CPAP: variants seen among roughly 807,000 people sequenced by gnomAD.
CPAP encodes centrosomal P4.1-associated protein.
chr13:24,892,742 C>T, the CPAP span: 2 of 1,614,098 alleles, frequency 1.2e-6, no homozygotes, highest in South Asian at 1.1e-5. Flanking sequence ...TTATTTCTTC[C>T]CGGAGGTCTG....
chr13:24,896,435 A>G, the CPAP span, among the ~76,000 whole-genome samples: 2 of 152,236 alleles, frequency 1.3e-5, no homozygotes, highest in Middle Eastern at 3.2e-3. Context: ...GCTACTACTA[A>G]GTCCTGGAAA....
chr13:24,911,700 C>A, the CPAP span, among the ~76,000 whole-genome samples: 1 of 144,318 alleles, frequency 6.9e-6, no homozygotes, highest in Non-Finnish European at 1.5e-5. Context: ...CCACACCCAG[C>A]TCATTTTTTT....
At chr13:24,884,116 TGAAG>T in the CPAP span, 12 of 1,597,038 alleles carry the variant, frequency 7.5e-6, no homozygotes, top group South Asian at 1.1e-5. Context: ...AAATATTTTT[TGAAG>T]GAAGGGAAGA....
At chr13:24,886,285 G>A in the CPAP span, 10 of 1,287,662 alleles carry the variant, frequency 7.8e-6, no homozygotes, top group Non-Finnish European at 1.0e-5. Context: ...GTTAAAAAGT[G>A]TAACAGAGCT....
At chr13:24,932,235 G>A in the CPAP span, among the ~76,000 whole-genome samples, 1 of 152,356 alleles carries the variant, frequency 6.6e-6, no homozygotes, top group African/African-American at 2.4e-5. Flanking sequence ...CTTTGAGGGA[G>A]GCTGTTAGAC....
the CPAP span, chr13:24,905,252 TAAGGA>T: frequency 2.5e-6 from 3 of 1,201,038 alleles, no homozygotes; most frequent in South Asian, 2.6e-5. Context: ...TATTGAGCAA[TAAGGA>T]AAGTTAGGAT....
chr13:24,906,053 G>A, the CPAP span: 2 of 1,613,938 alleles, frequency 1.2e-6, no homozygotes, highest in South Asian at 1.1e-5. Flanking sequence ...ATCAGCTGAG[G>A]ACAATGAATG....
chr13:24,928,766 G>T, the CPAP span, among the ~76,000 whole-genome samples: 2 of 152,170 alleles, frequency 1.3e-5, no homozygotes, highest in Non-Finnish European at 2.9e-5. Flanking sequence ...TGGGTGCAAA[G>T]AGACTTTTTT....
At chr13:24,909,941 G>A in the CPAP span, 1 of 1,614,122 alleles carries the variant, frequency 6.2e-7, no homozygotes, top group Non-Finnish European at 8.5e-7. Context: ...TTTGCTCATG[G>A]GATAAAATGT....
the CPAP span, among the ~76,000 whole-genome samples, chr13:24,889,944 T>C: frequency 6.6e-6 from 1 of 152,088 alleles, no homozygotes; most frequent in Non-Finnish European, 1.5e-5. Context: ...GCCATCCTTC[T>C]TGGTGTCCTA....
At chr13:24,903,960 G>A in the CPAP span, 52 of 1,613,940 alleles carry the variant, frequency 3.2e-5, no homozygotes, top group Non-Finnish European at 3.8e-5. Flanking sequence ...CGTTCAATGC[G>A]AAGTTTAGCT....
chr13:24,904,619 T>C, the CPAP span, among the ~76,000 whole-genome samples: 1 of 152,242 alleles, frequency 6.6e-6, no homozygotes, highest in East Asian at 1.9e-4. Flanking sequence ...ATAGAAAAAA[T>C]GACTGGAATG....
the CPAP span, chr13:24,882,884 A>G: frequency 8.0e-6 from 3 of 376,744 alleles, no homozygotes; most frequent in South Asian, 2.6e-5. Flanking sequence ...GTTTTTTTTT[A>G]TAGCCATTTC....
chr13:24,914,862 T>C, the CPAP span, among the ~76,000 whole-genome samples: 4 of 151,994 alleles, frequency 2.6e-5, no homozygotes, highest in Non-Finnish European at 4.4e-5. Context: ...CACTTGAAGT[T>C]AGGAGTTCGA....
chr13:24,906,412 T>C, the CPAP span: 7 of 1,613,756 alleles, frequency 4.3e-6, no homozygotes, highest in Non-Finnish European at 5.9e-6. Context: ...TGGTCTCCCT[T>C]ATGGGGCTCT....
the CPAP span, among the ~76,000 whole-genome samples, chr13:24,900,511 G>A: frequency 6.6e-6 from 1 of 152,164 alleles, no homozygotes; most frequent in African/African-American, 2.4e-5. Context: ...AGCCAGGCAT[G>A]GTGGCGAATG....
chr13:24,921,100 C>A, the CPAP span, among the ~76,000 whole-genome samples: 2 of 152,162 alleles, frequency 1.3e-5, no homozygotes, highest in Non-Finnish European at 2.9e-5. Context: ...GAGGGAAAGG[C>A]ACTCAGGACA....
chr13:24,904,265 C>T, the CPAP span, among the ~76,000 whole-genome samples: 1 of 152,156 alleles, frequency 6.6e-6, no homozygotes, highest in Non-Finnish European at 1.5e-5. Flanking sequence ...AAGAATTAAT[C>T]TACCTCAAAA....
At chr13:24,900,302 C>G in the CPAP span, among the ~76,000 whole-genome samples, 129,303 of 152,114 alleles carry the variant, frequency 0.85, 55,043 homozygotes, top group East Asian at 0.9. Context: ...GACTAAAACA[C>G]AGTGAGCAAA....
Sources: allele counts gnomAD v4.1 joint callset (sites outside exome capture counted in the v4.1 genomes callset), GRCh38; gene constraint gnomAD v4.1.1; transcripts MANE v1.5; gene names NCBI Gene and HGNC (gene_info 2026-07-23, HGNC 2026-07-21).